CHAF1A: variants seen among roughly 807,000 people sequenced by gnomAD.
CHAF1A encodes the protein CAF-1 subunit A.
A neutral mutation model predicts 93.2 loss-of-function variants in CHAF1A; 5 were observed. The observed-to-expected ratio is 0.05, with a 90% CI of 0.03 to 0.11. The LOEUF is 0.11. Ranked by LOEUF, CHAF1A falls within the 10% of genes least tolerant of loss-of-function variation. CHAF1A has a pLI of 1.00. For synonymous variants in CHAF1A, 504 were observed against 510.3 expected, an observed-to-expected ratio of 0.99 and a Z score of 0.17; for missense variants, 1,102 against 1,259.9, an observed-to-expected ratio of 0.87 and a Z score of 1.90.
chr19:4,407,916 C>T (rs1364531901), intron 2 of CHAF1A, among the ~76,000 whole-genome samples: 5 of 151,908 alleles, frequency 3.3e-5, no homozygotes, highest in Non-Finnish European at 7.4e-5. Flanking sequence ...CCATTGCACT[C>T]CAACATGGGT....
At chr19:4,407,813 T>C (rs1212933404) in intron 2 of CHAF1A, among the ~76,000 whole-genome samples, 1 of 151,942 alleles carries the variant, frequency 6.6e-6, no homozygotes, top group Non-Finnish European at 1.5e-5. Flanking sequence ...CTGGGTGTAG[T>C]AGTGCATGCC....
intron 2 of CHAF1A, among the ~76,000 whole-genome samples, chr19:4,407,819 A>G (rs1037800920): frequency 2.6e-5 from 4 of 151,968 alleles, no homozygotes; most frequent in African/African-American, 9.7e-5. Flanking sequence ...GTAGTAGTGC[A>G]TGCCTGTAAT....
At chr19:4,440,243 G>A (rs770829081) in intron 13 of CHAF1A, among the ~76,000 whole-genome samples, 3 of 152,140 alleles carry the variant, frequency 2.0e-5, no homozygotes, top group South Asian at 4.1e-4. Flanking sequence ...AAGCACTGAC[G>A]TGGAGGCTCA....
In CHAF1A at chr19:4,443,050, G is replaced by A. The variant is rs1486975378; in HGVS notation, c.*25G>A. The A allele has an allele frequency of 5.7e-6, 8 of 1,394,110 alleles. No homozygotes were observed. Among genetic ancestry groups the A allele is most frequent in the South Asian group, 3.7e-5 (3 of 81,410 alleles). 86.4% of individuals were successfully genotyped at this position (1,394,110 alleles called of 1,614,324 possible). ...AGAGCAGGGGTGACGTATGTAGAAT[G>A]CTTAGGGTGTCCTCCCCACAGAGCA... On this transcript the variant is annotated 3_prime_UTR_variant, in exon 15 of 15. Transcript: ENST00000301280.
rs1973602649 is a variant in CHAF1A, at chr19:4,402,671, A to G, written c.-92A>G. 2.4e-6 allele frequency: 2 copies of G among 841,100 alleles called. No individual in the cohort carries two copies. The highest frequency in any genetic ancestry group is 4.1e-5 in the East Asian group (1 of 24,522). The allele number at this position is 841,100 out of a possible 1,614,324, so 52.1% of individuals were successfully genotyped here. A position where few individuals can be genotyped will look rare whatever the true frequency, so the allele number is the denominator to read the frequency against. ...CGAGCGCGGCGGCCGCGGCGGCAGC[A>G]GCGGCGCGGGCGGGAGGGCGAAGAG... On this transcript the variant is annotated 5_prime_UTR_variant, in exon 1 of 15. Coordinates refer to ENST00000301280, the MANE Select transcript of CHAF1A (RefSeq NM_005483.3).
At chr19:4,441,864 C>T (rs1974396685) in intron 13 of CHAF1A, among the ~76,000 whole-genome samples, 1 of 152,174 alleles carries the variant, frequency 6.6e-6, no homozygotes, top group African/African-American at 2.4e-5. Flanking sequence ...CGCCACTGCA[C>T]TCCAGCCTGG....
At chr19:4,408,458 G>A (rs569479733) in intron 2 of CHAF1A, among the ~76,000 whole-genome samples, 35 of 59,916 alleles carry the variant, frequency 5.8e-4, no homozygotes, top group Middle Eastern at 0.014. Context: ...TCCCGCACCC[G>A]GCCTTTTTTT....
rs1382651036 is a variant in CHAF1A, at chr19:4,409,613, C to G, written c.814C>G (p.Leu272Val). Residue 272 changes from leucine to valine, a missense_variant, in exon 3 of 15, where the codon CTG becomes GTG. Leu to Val is a conservative substitution (Grantham distance 32, BLOSUM62 1). This residue lies in a region of CHAF1A where 379 missense variants were observed against 365.7 expected (regional missense o/e 1.04). Coordinates refer to ENST00000301280, the MANE Select transcript of CHAF1A (RefSeq NM_005483.3). ...GKNMTPESEV[L>V]ESFPEEDSVL... ...GAACATGACCCCTGAGAGTGAGGTG[C>G]TGGAATCTTTCCCCGAAGAAGACTC... The G allele has an allele frequency of 6.2e-7, 1 of 1,614,142 alleles. No homozygotes were observed. The highest frequency in any genetic ancestry group is 8.5e-7 in the Non-Finnish European group (1 of 1,180,024).
intron 1 of CHAF1A, among the ~76,000 whole-genome samples, chr19:4,403,335 T>C (rs1973620971): frequency 1.3e-5 from 2 of 152,184 alleles, no homozygotes; most frequent in African/African-American, 2.4e-5. Context: ...CTTCCTGATA[T>C]GCACCGTGAC....
chr19:4,426,709 G>A (rs553444988), intron 7 of CHAF1A, among the ~76,000 whole-genome samples: 1 of 147,792 alleles, frequency 6.8e-6, no homozygotes, highest in South Asian at 2.2e-4. Flanking sequence ...ACTGACCTCA[G>A]GTGATCCGCC....
Position 4,431,989 on chromosome 19 carries a change from A to G in CHAF1A, c.1985A>G (p.Lys662Arg). The G allele has an allele frequency of 6.2e-7, 1 of 1,613,272 alleles. No individual in the cohort carries two copies. The highest frequency in any genetic ancestry group is 1.1e-5 in the South Asian group (1 of 91,068). ...CCTGAGAACCATAAGGTCCGCCAGA[A>G]ACTGAAGGCCAAGGAGTGGGACGAG... ...ADPENHKVRQ[K>R]LKAKEWDEFL... The change falls in exon 12 of 15, where the codon AAA becomes AGA. Residue 662 changes from lysine (K) to arginine (R), a missense_variant. Lys to Arg is a conservative substitution (Grantham distance 26, BLOSUM62 2). Coordinates refer to ENST00000301280, the MANE Select transcript of CHAF1A (RefSeq NM_005483.3).
downstream of CHAF1A, chr19:4,447,329 A>G (rs891474222): frequency 3.4e-6 from 2 of 590,392 alleles, no homozygotes; most frequent in Admixed American, 2.9e-5. Context: ...GATGCAGGTG[A>G]GGAGAGGCAG....
At position 4,409,060 on chromosome 19, in the gene CHAF1A, T is replaced by G; in HGVS notation, c.261T>G (p.Phe87Leu). 6.2e-7 allele frequency: 1 copy of G among 1,614,210 alleles called. No individual in the cohort carries two copies. The highest frequency in any genetic ancestry group is 8.5e-7 in the Non-Finnish European group (1 of 1,180,046). The change falls in exon 3 of 15, where the codon TTT becomes TTG. Residue 87 changes from phenylalanine to leucine, a missense_variant. By Grantham distance (22) the Phe-to-Leu change is conservative. Transcript: ENST00000301280. Reference sequence around the variant, plus strand: ...GTCATGTGGGTTCTGACATAGACTTTAGACCGAAACTTGTCAACGGGAAGG... The same window carrying G: ...GTCATGTGGGTTCTGACATAGACTTGAGACCGAAACTTGTCAACGGGAAGG... Reference protein sequence around the residue: ...NNCHVGSDIDFRPKLVNGKGP... With the variant: ...NNCHVGSDIDLRPKLVNGKGP...
At chr19:4,448,015 C>G (rs1974574263), downstream of CHAF1A, 4 of 526,084 alleles carry the variant, frequency 7.6e-6, no homozygotes, top group East Asian at 9.8e-5. Context: ...AGGCCTGCCC[C>G]CGATCCTGAG....
intron 11 of CHAF1A, chr19:4,430,990 C>A: frequency 4.1e-6 from 1 of 241,246 alleles, no homozygotes; most frequent in South Asian, 5.6e-5. Context: ...AGTTTGATGA[C>A]GTAACAATCA....
downstream of CHAF1A, chr19:4,446,186 C>T (rs368753562): frequency 6.2e-6 from 10 of 1,605,040 alleles, no homozygotes; most frequent in African/African-American, 5.3e-5. Flanking sequence ...CGCTCCCGAG[C>T]GTAGAAAGTG....
intron 7 of CHAF1A, among the ~76,000 whole-genome samples, chr19:4,428,049 G>T (rs1225088431): frequency 1.3e-5 from 2 of 150,720 alleles, no homozygotes; most frequent in Non-Finnish European, 3.0e-5. Context: ...GTAGAGATGG[G>T]GTTTCACCAT....
chr19:4,442,432 G>T (rs2145156988), intron 14 of CHAF1A, 91 bp downstream of exon 14: 3 of 1,074,950 alleles, frequency 2.8e-6, no homozygotes, highest in Middle Eastern at 2.1e-4. Flanking sequence ...CCTAAGACTA[G>T]CTCCACTGTG....
intron 13 of CHAF1A, among the ~76,000 whole-genome samples, chr19:4,438,838 C>T (rs1337556953): frequency 6.6e-6 from 1 of 152,100 alleles, no homozygotes; most frequent in African/African-American, 2.4e-5. Flanking sequence ...AAAAATTAGC[C>T]AGGCGTGGTG....
Sources: allele counts gnomAD v4.1 joint callset (sites outside exome capture counted in the v4.1 genomes callset), GRCh38; gene constraint gnomAD v4.1.1; regional missense constraint gnomAD v4.1.1; transcripts MANE v1.5; gene names NCBI Gene and HGNC (gene_info 2026-07-23, HGNC 2026-07-21).